Variants in CMSS1 observed in about 807,000 individuals in gnomAD.
CMSS1 encodes the protein cms1 ribosomal small subunit homolog.
CMSS1 carries 33 observed loss-of-function variants against 43.5 expected under a neutral mutation model. The observed-to-expected ratio is 0.76, with a 90% CI of 0.57 to 1.01. The LOEUF (loss-of-function observed/expected upper bound fraction) is 1.01. Among genes scored for constraint, CMSS1 ranks in the 50% least tolerant of loss-of-function variants. The pLI, the probability that CMSS1 is intolerant of heterozygous loss-of-function variation, is 0.00. For synonymous variants in CMSS1, 115 were observed against 117.2 expected (o/e 0.98, Z 0.12); for missense variants, 313 against 326.4 (o/e 0.96, Z 0.32).
At chr3:99,927,286 G>C (rs1011613808) in intron 1 of CMSS1, among the ~76,000 whole-genome samples, 1 of 151,934 alleles carries the variant, frequency 6.6e-6, no homozygotes, top group Non-Finnish European at 1.5e-5. Context: ...AGTATTTTAA[G>C]ATTTGCCCTA....
At chr3:99,872,795 G>A (rs571711155) in intron 1 of CMSS1, among the ~76,000 whole-genome samples, 3 of 152,172 alleles carry the variant, frequency 2.0e-5, no homozygotes, top group Admixed American at 6.5e-5. Flanking sequence ...AAGAGGGAGT[G>A]TTTCTCATAT....
intron 1 of CMSS1, among the ~76,000 whole-genome samples, chr3:99,988,511 C>CAAAA (rs757175318): frequency 3.8e-4 from 18 of 47,696 alleles, no homozygotes; most frequent in African/African-American, 1.2e-3. Context: ...GACTCCATCT[C>CAAAA]AAAAAAAAAA....
intron 1 of CMSS1, among the ~76,000 whole-genome samples, chr3:100,110,338 C>T (rs555104605): frequency 4.3e-4 from 66 of 152,188 alleles, no homozygotes; most frequent in African/African-American, 1.5e-3. Flanking sequence ...AAGCAGCTGC[C>T]TCTGTATTTT....
At chr3:99,916,518 A>C (rs1226105365) in intron 1 of CMSS1, among the ~76,000 whole-genome samples, 1 of 151,914 alleles carries the variant, frequency 6.6e-6, no homozygotes, top group Non-Finnish European at 1.5e-5. Flanking sequence ...TGACAAATAC[A>C]GTGCTAATGG....
chr3:100,147,032 G>A lies in CMSS1; in HGVS notation c.124G>A (p.Val42Ile). The A allele has an allele frequency of 6.2e-7, 1 of 1,614,000 alleles. No individual in the cohort carries two copies. The highest frequency in any genetic ancestry group is 8.5e-7 in the Non-Finnish European group (1 of 1,179,900). The change falls in exon 2 of 10, where the codon GTT becomes ATT. Residue 42 changes from valine (V) to isoleucine (I), a missense_variant. By Grantham distance (29) the Val-to-Ile change is conservative (BLOSUM62 3). Coordinates refer to ENST00000421999, the MANE Select transcript of CMSS1 (RefSeq NM_032359.4). ...TEVMQQETVP[V>I]PVPSEKTKQP... The stretch of plus-strand genomic sequence containing the variant: ...AGTGATGCAGCAGGAGACAGTTCCA[G>A]TTCCTGTACCTTCAGAGAAAACCAA...
chr3:100,023,738 C>T (rs930190861), intron 1 of CMSS1, among the ~76,000 whole-genome samples: 10 of 152,094 alleles, frequency 6.6e-5, no homozygotes, highest in Admixed American at 1.3e-4. Context: ...CAGGCCTGGT[C>T]TCGCCATTGC....
rs540004496 is a variant in CMSS1, at chr3:99,903,079, C to T, written c.64+85036C>T. 4.6e-5 allele frequency among the ~76,000 whole-genome samples: 7 copies of T among 152,098 alleles called. No individual in the cohort carries two copies. The South Asian group carries it at 1.5e-3, about 32-fold the overall frequency. On this transcript the variant is annotated intron_variant, in intron 1 of 9. Coordinates refer to ENST00000421999, the MANE Select transcript of CMSS1 (RefSeq NM_032359.4). ...ATTTATACTTTTGTGTCCCTAGGTA[C>T]CTTATTTATCATCTCAGGCCTCAGT... is the stretch of plus-strand genomic sequence containing the variant.
intron 1 of CMSS1, among the ~76,000 whole-genome samples, chr3:100,059,247 A>G (rs1168615379): frequency 6.6e-6 from 1 of 152,216 alleles, no homozygotes; most frequent in Non-Finnish European, 1.5e-5. Context: ...AAAAAATACA[A>G]TGCCTCTTAA....
chr3:100,140,143 G>A (rs186939152), intron 1 of CMSS1, among the ~76,000 whole-genome samples: 1 of 152,238 alleles, frequency 6.6e-6, no homozygotes, highest in Non-Finnish European at 1.5e-5. Context: ...CCATTAATTT[G>A]TAACACTTGC....
At chr3:99,938,514 C>A (rs924827877) in intron 1 of CMSS1, among the ~76,000 whole-genome samples, 1 of 152,150 alleles carries the variant, frequency 6.6e-6, no homozygotes, top group African/African-American at 2.4e-5. Context: ...ATTTAACACC[C>A]CATACTTTGC....
chr3:99,855,430 G>A (rs1943914608), intron 1 of CMSS1, among the ~76,000 whole-genome samples: 1 of 152,132 alleles, frequency 6.6e-6, no homozygotes, highest in Non-Finnish European at 1.5e-5. Flanking sequence ...GTGATGTGTT[G>A]CCAAGCAGTG....
At chr3:100,173,297 G>A (rs541542838) in intron 8 of CMSS1, among the ~76,000 whole-genome samples, 21 of 152,280 alleles carry the variant, frequency 1.4e-4, no homozygotes, top group East Asian at 3.9e-4. Flanking sequence ...CAACACTTTC[G>A]AGTTCCTACT....
intron 1 of CMSS1, among the ~76,000 whole-genome samples, chr3:100,015,610 C>T (rs1006631110): frequency 6.6e-6 from 1 of 152,182 alleles, no homozygotes; most frequent in East Asian, 1.9e-4. Context: ...TCCTTGAAAC[C>T]GAATGCTAAG....
At chr3:100,171,969 T>A in intron 7 of CMSS1, 70 bp downstream of exon 7, 1 of 1,101,830 alleles carries the variant, frequency 9.1e-7, no homozygotes, top group Non-Finnish European at 1.4e-6. Flanking sequence ...CAACCTCTTC[T>A]CCTAATCTCC....
intron 1 of CMSS1, among the ~76,000 whole-genome samples, chr3:99,995,499 C>A (rs1055608767): frequency 6.6e-6 from 1 of 152,188 alleles, no homozygotes; most frequent in Non-Finnish European, 1.5e-5. Flanking sequence ...ATTCTGGGGT[C>A]TGGAGGATGG....
chr3:100,164,303 C>A (rs2067048962), intron 4 of CMSS1, among the ~76,000 whole-genome samples: 1 of 152,156 alleles, frequency 6.6e-6, no homozygotes, highest in Admixed American at 6.6e-5. Flanking sequence ...TTTGTTAGAG[C>A]AACTTGAACT....
intron 1 of CMSS1, among the ~76,000 whole-genome samples, chr3:100,139,728 C>T (rs1008368926): frequency 6.8e-6 from 1 of 147,632 alleles, no homozygotes; most frequent in Admixed American, 6.8e-5. Context: ...ACCCAGGAGG[C>T]GGAGGTTGCA....
chr3:99,927,800 T>G (rs1200355619), intron 1 of CMSS1, among the ~76,000 whole-genome samples: 3 of 152,090 alleles, frequency 2.0e-5, no homozygotes, highest in Non-Finnish European at 4.4e-5. Context: ...GTGGACTGAG[T>G]CCTTGCCTCT....
rs77326518 is a variant in CMSS1 at position 99,864,205 on chromosome 3, C to T, written c.64+46162C>T. 4.4e-3 allele frequency among the ~76,000 whole-genome samples: 662 copies of T among 152,176 alleles called. 8 individuals are homozygous for T. Among genetic ancestry groups the T allele is most frequent in the African/African-American group, 0.015 (609 of 41,520 alleles). ...CTATCTTTATAATGTCTGTGTAGAG[C>T]ACATGCATTTATTTTCTTAGTTGAA... is the stretch of plus-strand genomic sequence containing the variant. On this transcript the variant is annotated intron_variant, in intron 1 of 9. Transcript: ENST00000421999.
Sources: allele counts gnomAD v4.1 joint callset (sites outside exome capture counted in the v4.1 genomes callset), GRCh38; gene constraint gnomAD v4.1.1; transcripts MANE v1.5; gene names NCBI Gene and HGNC (gene_info 2026-07-23, HGNC 2026-07-21).